GABBR2: variants seen among roughly 807,000 people sequenced by gnomAD.
GABBR2 encodes the protein gamma-aminobutyric acid type B receptor subunit 2.
Under a neutral mutation model 105.6 loss-of-function variants are expected in GABBR2, and 23 were observed. The ratio of observed to expected loss-of-function variants is 0.22; its 90% confidence interval spans 0.16 to 0.31. The LOEUF (loss-of-function observed/expected upper bound fraction) is 0.31, where lower values mean the gene tolerates loss of function less well. Among genes scored for constraint, GABBR2 ranks in the 10% least tolerant of loss-of-function variants. The pLI is 1.00. For synonymous variants in GABBR2, 478 were observed against 499.7 expected (o/e 0.96, Z 0.58); for missense variants, 734 against 1,245.5 (o/e 0.59, Z 6.18).
intron 3 of GABBR2, among the ~76,000 whole-genome samples, chr9:98,513,564 AAAAC>A (rs1033127888): frequency 3.3e-5 from 5 of 152,104 alleles, no homozygotes; most frequent in African/African-American, 7.2e-5. Context: ...TTACAAAAAA[AAAAC>A]AAACAACCCC....
chr9:98,606,088 T>G (rs2131809142), intron 1 of GABBR2, among the ~76,000 whole-genome samples: 1 of 152,358 alleles, frequency 6.6e-6, no homozygotes, highest in East Asian at 1.9e-4. Context: ...TCCATGTCCC[T>G]ACCAAAGACA....
chr9:98,403,156 T>C (rs1005290390), intron 8 of GABBR2, among the ~76,000 whole-genome samples: 15 of 151,912 alleles, frequency 9.9e-5, no homozygotes, highest in African/African-American at 3.6e-4. Flanking sequence ...TAGCTGGGCA[T>C]GGTGGCACGA....
chr9:98,362,989 C>T (rs1831613978), intron 12 of GABBR2, 152 bp from the exon 13 acceptor site: 1 of 574,796 alleles, frequency 1.7e-6, no homozygotes, highest in South Asian at 3.6e-5. Context: ...ATAAATCCAG[C>T]CAAGCTCCTC....
intron 7 of GABBR2, among the ~76,000 whole-genome samples, chr9:98,413,356 C>T (rs1458359209): frequency 1.7e-4 from 26 of 152,150 alleles, no homozygotes. Context: ...AGAAGGTGCC[C>T]TCTGTTTCCA....
At chr9:98,438,907 CTT>C (rs1374731624) in intron 7 of GABBR2, among the ~76,000 whole-genome samples, 2 of 152,112 alleles carry the variant, frequency 1.3e-5, no homozygotes, top group Non-Finnish European at 2.9e-5. Context: ...CTCTCTCTCT[CTT>C]TCTCATTCTC....
At chr9:98,585,554 A>G (rs1307201003) in intron 1 of GABBR2, among the ~76,000 whole-genome samples, 3 of 151,428 alleles carry the variant, frequency 2.0e-5, no homozygotes, top group African/African-American at 4.9e-5. Flanking sequence ...TGATGAGTTA[A>G]TGGGTGCAGC....
chr9:98,617,856 C>A (rs1195280110), intron 1 of GABBR2, among the ~76,000 whole-genome samples: 1 of 152,190 alleles, frequency 6.6e-6, no homozygotes, highest in African/African-American at 2.4e-5. Context: ...GGACTTACAG[C>A]CAGACAGATC....
chr9:98,298,737 C>T (rs1357670221), intron 17 of GABBR2, among the ~76,000 whole-genome samples: 1 of 152,192 alleles, frequency 6.6e-6, no homozygotes, highest in East Asian at 1.9e-4. Flanking sequence ...GGATTACAGG[C>T]ATGAGCCATT....
rs16915579 is a variant in GABBR2, at chr9:98,394,117, G to A, written c.1378+58C>T. ...AGCTTGTCCCTAACCCTTAGACAAT[G>A]TCCAGGCTTGGGAGCAACTGGGCAG... On this transcript the variant is annotated intron_variant, in intron 9 of 18. Transcript: ENST00000259455. The A allele has an allele frequency of 0.026, 31,488 of 1,228,598 alleles. 727 individuals are homozygous for A. The highest frequency in any genetic ancestry group is 0.12 in the East Asian group (5,383 of 43,136). 76.1% of individuals were successfully genotyped at this position (1,228,598 alleles called of 1,614,324 possible).
At chr9:98,379,870 T>G (rs552508051) in intron 11 of GABBR2, among the ~76,000 whole-genome samples, 1 of 152,116 alleles carries the variant, frequency 6.6e-6, no homozygotes, top group Non-Finnish European at 1.5e-5. Context: ...GCAAAATTTA[T>G]GGTATGTGGA....
intron 13 of GABBR2, among the ~76,000 whole-genome samples, chr9:98,336,962 ACT>A (rs60610057): frequency 0.031 from 4,648 of 152,170 alleles, 132 homozygotes; most frequent in African/African-American, 0.081. Context: ...AAGGAGCAAA[ACT>A]CTCTATTTGC....
Position 98,480,965 on chromosome 9 carries a change from A to G in GABBR2, c.765T>C (p.Phe255=). ...GNDVRIILGQ[F]DQNMAAKVFC... ...ACACTTTTGCTGCCATATTCTGGTCAAACTGGCCAAGGATGATCCGCACAT... is the reference window on the plus strand; with the variant it reads ...ACACTTTTGCTGCCATATTCTGGTCGAACTGGCCAAGGATGATCCGCACAT... Residue 255 remains phenylalanine, a synonymous_variant, in exon 5 of 19, where the codon TTT becomes TTC. Transcript: ENST00000259455. 1 of 1,607,340 alleles carries G rather than the reference A, an allele frequency of 6.2e-7. No homozygotes were observed. The highest frequency in any genetic ancestry group is 8.5e-7 in the Non-Finnish European group (1 of 1,173,780).
chr9:98,597,842 CAG>C (rs1180133007), intron 1 of GABBR2, among the ~76,000 whole-genome samples: 1 of 152,018 alleles, frequency 6.6e-6, no homozygotes, highest in East Asian at 1.9e-4. Flanking sequence ...TTTATGGAGA[CAG>C]AGTCTCACTC....
chr9:98,325,360 T>C (rs557964364), intron 13 of GABBR2, among the ~76,000 whole-genome samples: 38 of 149,236 alleles, frequency 2.5e-4, no homozygotes, highest in South Asian at 1.1e-3. Flanking sequence ...GGTGTGATCT[T>C]GGCTCACTGC....
chr9:98,570,977 CTGCTCTGG>C (rs1828821495), intron 2 of GABBR2, among the ~76,000 whole-genome samples: 1 of 152,238 alleles, frequency 6.6e-6, no homozygotes, highest in South Asian at 2.1e-4. Context: ...GCCCTGAGCA[CTGCTCTGG>C]CATCACTGCC....
intron 3 of GABBR2, among the ~76,000 whole-genome samples, chr9:98,534,003 C>T (rs777188554): frequency 2.6e-5 from 4 of 152,298 alleles, no homozygotes; most frequent in East Asian, 3.9e-4. Context: ...AGGGTCTCCC[C>T]GTCCTCCCCT....
At chr9:98,356,812 T>G (rs1476928655) in intron 13 of GABBR2, among the ~76,000 whole-genome samples, 2 of 152,154 alleles carry the variant, frequency 1.3e-5, no homozygotes, top group African/African-American at 4.8e-5. Flanking sequence ...ATCCAGGAAA[T>G]AGGACATTAT....
intron 7 of GABBR2, among the ~76,000 whole-genome samples, chr9:98,447,909 G>A (rs926592829): frequency 1.3e-5 from 2 of 151,958 alleles, no homozygotes; most frequent in Non-Finnish European, 2.9e-5. Flanking sequence ...AACTTTAAGG[G>A]GTATACTGGC....
intron 13 of GABBR2, among the ~76,000 whole-genome samples, chr9:98,342,758 G>A (rs1831235210): frequency 1.3e-5 from 2 of 152,202 alleles, no homozygotes; most frequent in Admixed American, 6.5e-5. Context: ...AGCATCCAAA[G>A]CCTTTGGCCA....
Sources: gnomAD v4.1 joint callset for allele counts (sites outside exome capture counted in the v4.1 genomes callset) on GRCh38, gnomAD v4.1.1 for gene constraint, MANE v1.5 for transcripts, NCBI Gene and HGNC (gene_info 2026-07-23, HGNC 2026-07-21) for gene names.